Variants in PRKCZ observed in about 807,000 individuals in gnomAD.
PRKCZ encodes protein kinase C zeta.
PRKCZ carries 33 observed loss-of-function variants against 79.5 expected under a neutral mutation model. The observed-to-expected ratio is 0.41, with a 90% confidence interval of 0.31 to 0.55. The LOEUF is 0.55. Ranked by LOEUF, PRKCZ falls within the 20% of genes least tolerant of loss-of-function variation. The probability of loss-of-function intolerance (pLI) is 0.19; values close to 1 mark genes in which losing one functional copy is unlikely to be tolerated. For missense variants in PRKCZ, 578 were observed against 813.5 expected (o/e 0.71, Z 3.52); for synonymous variants, 342 against 320.9 (o/e 1.07, Z -0.70).
chr1:2,181,671 A>C (rs1310165071), intron 16 of PRKCZ: 2 of 352,276 alleles, frequency 5.7e-6, no homozygotes, highest in Non-Finnish European at 1.1e-5. Context: ...CCCTCGGAGC[A>C]GAGAACGGGC....
chr1:2,071,165 T>TG (rs1661548714), intron 4 of PRKCZ: 1 of 238,786 alleles, frequency 4.2e-6, no homozygotes, highest in Non-Finnish European at 8.8e-6. Flanking sequence ...GGCATGTGGG[T>TG]GGGGCTCCCC....
In PRKCZ at chr1:2,184,591, G is replaced by A. The variant is rs769147141; in HGVS notation, c.1584G>A (p.Lys528=). The change falls in exon 17 of 18, where the codon AAG becomes AAA. Residue 528 remains lysine, a synonymous_variant. Transcript: ENST00000378567. ...CCTATTGTTTTTCCAAGCTGGAGAA[G>A]AAGCAGGCGCTCCCTCCATTCCAGC... The part of the protein sequence containing the change: ...FRSIDWDLLE[K]KQALPPFQPQ... 1.9e-6 allele frequency: 3 copies of A among 1,613,754 alleles called. No homozygotes were observed. The African/African-American group carries it at 4.0e-5, about 21-fold the overall frequency.
intron 4 of PRKCZ, among the ~76,000 whole-genome samples, chr1:2,112,022 C>T (rs187789713): frequency 1.2e-4 from 18 of 152,298 alleles, no homozygotes; most frequent in African/African-American, 3.1e-4. Context: ...GATGTTTCCT[C>T]GGGACAAGTC....
At chr1:2,110,507 G>A (rs1009547514) in intron 4 of PRKCZ, among the ~76,000 whole-genome samples, 7 of 152,168 alleles carry the variant, frequency 4.6e-5, no homozygotes, top group African/African-American at 1.2e-4. Flanking sequence ...CTGAATCTCC[G>A]GAGTCCCCCA....
chr1:2,056,160 G>A (rs1557471254), intron 2 of PRKCZ, among the ~76,000 whole-genome samples: 1 of 152,212 alleles, frequency 6.6e-6, no homozygotes, highest in East Asian at 1.9e-4. Context: ...AGCCATAGAG[G>A]GCAAGGAGCT....
chr1:2,049,743 G>A (rs1003119667), upstream of PRKCZ: 8 of 152,556 alleles, frequency 5.2e-5, no homozygotes, highest in African/African-American at 1.9e-4. Context: ...GGGCCTGGAG[G>A]GCGATTGTCC....
intron 4 of PRKCZ, among the ~76,000 whole-genome samples, chr1:2,117,746 T>C (rs1571521929): frequency 6.6e-6 from 1 of 152,208 alleles, no homozygotes; most frequent in African/African-American, 2.4e-5. Flanking sequence ...AAGTTGTTAA[T>C]ATGAATGGTG....
At chr1:2,085,534 C>T (rs1051095995) in intron 4 of PRKCZ, among the ~76,000 whole-genome samples, 1 of 152,274 alleles carries the variant, frequency 6.6e-6, no homozygotes, top group African/African-American at 2.4e-5. Context: ...CAACTCTTGT[C>T]CTCTGAAGAT....
chr1:2,072,144 G>A (rs1221394449), intron 4 of PRKCZ, among the ~76,000 whole-genome samples: 1 of 152,236 alleles, frequency 6.6e-6, no homozygotes, highest in African/African-American at 2.4e-5. Context: ...TTTACGGAAT[G>A]CCCCTCATGC....
chr1:2,075,635 G>T lies in PRKCZ; in HGVS notation c.334+16044G>T, dbSNP rs1662264680. 1.3e-5 allele frequency among the ~76,000 whole-genome samples: 2 copies of T among 152,146 alleles called. No individual in the cohort carries two copies. Among genetic ancestry groups the T allele is most frequent in the African/African-American group, 2.4e-5 (1 of 41,424 alleles). The stretch of plus-strand genomic sequence containing the variant: ...GTTCCTCTGCCCAACTCCGAGCTTG[G>T]TCCCACCTCCCAGACTCACCTCTGG... On this transcript the variant is annotated intron_variant, in intron 4 of 17. Transcript: ENST00000378567. This position sits in a 1 kb window ranked among gnomAD's most constrained non-coding sequence, Gnocchi z 4.8.
chr1:2,093,941 C>T (rs1234716799), intron 4 of PRKCZ, among the ~76,000 whole-genome samples: 1 of 152,102 alleles, frequency 6.6e-6, no homozygotes, highest in African/African-American at 2.4e-5. Context: ...GAGTGTGGGG[C>T]CAGGGCAGAG....
intron 4 of PRKCZ, among the ~76,000 whole-genome samples, chr1:2,109,110 C>T (rs1315953799): frequency 4.6e-5 from 7 of 152,228 alleles, no homozygotes; most frequent in Admixed American, 4.6e-4. Context: ...CTCCCCATCC[C>T]CACGTCCTTC....
intron 4 of PRKCZ, chr1:2,133,508 G>C (rs1271197852): frequency 3.7e-5 from 3 of 80,660 alleles, no homozygotes; most frequent in African/African-American, 1.0e-4. Flanking sequence ...CTCCCCAGCT[G>C]TGCGCCCGCC....
intron 4 of PRKCZ, among the ~76,000 whole-genome samples, chr1:2,108,611 C>G (rs1157674045): frequency 1.3e-5 from 2 of 152,238 alleles, no homozygotes; most frequent in African/African-American, 2.4e-5. Context: ...GCCCCTCTCT[C>G]TCCAGCCATG....
At chr1:2,068,406 G>T (rs1323822872) in intron 4 of PRKCZ, among the ~76,000 whole-genome samples, 1 of 152,238 alleles carries the variant, frequency 6.6e-6, no homozygotes, top group East Asian at 1.9e-4. Flanking sequence ...CAGCTCTGGG[G>T]CTGCTGTCAA....
intron 10 of PRKCZ, among the ~76,000 whole-genome samples, chr1:2,160,953 G>A (rs970076298): frequency 7.1e-6 from 1 of 141,222 alleles, no homozygotes; most frequent in African/African-American, 3.2e-5. Context: ...AGGAGGAGGC[G>A]CCGCCGTCGG....
chr1:2,184,502 G>A lies in PRKCZ; in HGVS notation c.1576-81G>A, dbSNP rs1033205873. The A allele has an allele frequency of 1.0e-5, 10 of 986,086 alleles. No homozygotes were observed. The African/African-American group carries it at 1.1e-4, about 11-fold the overall frequency. 61.1% of individuals were successfully genotyped at this position (986,086 alleles called of 1,614,324 possible). On this transcript the variant is annotated intron_variant, in intron 16 of 17. Coordinates refer to ENST00000378567, the MANE Select transcript of PRKCZ (RefSeq NM_002744.6). Reference sequence around the variant, plus strand: ...TGACTTTCTCACTGTTTCATTTTGTGATTGAAGTGCGTGCAAAACACTCAA... The same window carrying A: ...TGACTTTCTCACTGTTTCATTTTGTAATTGAAGTGCGTGCAAAACACTCAA...
chr1:2,095,587 G>A (rs1227714307), intron 4 of PRKCZ, among the ~76,000 whole-genome samples: 7 of 152,030 alleles, frequency 4.6e-5, no homozygotes, highest in East Asian at 3.9e-4. Context: ...AGATGCGTGC[G>A]TCCTGCATGG....
chr1:2,119,170 C>G (rs2102808833), intron 4 of PRKCZ, among the ~76,000 whole-genome samples: 1 of 150,768 alleles, frequency 6.6e-6, no homozygotes, highest in African/African-American at 2.4e-5. Flanking sequence ...CTACTTTTAC[C>G]ATTTTCTTCA....
Sources: gnomAD v4.1 joint callset for allele counts (sites outside exome capture counted in the v4.1 genomes callset) on GRCh38, gnomAD v4.1.1 for gene constraint, Gnocchi (gnomAD v3.1) non-coding constraint, MANE v1.5 for transcripts, NCBI Gene and HGNC (gene_info 2026-07-23, HGNC 2026-07-21) for gene names.